TBCK: variants seen among roughly 807,000 people sequenced by gnomAD.
TBCK encodes TBC domain-containing protein kinase-like protein.
TBCK carries 99 observed loss-of-function variants against 113.4 expected under a neutral mutation model. The ratio of observed to expected loss-of-function variants is 0.87; its 90% CI spans 0.74 to 1.03. The LOEUF (loss-of-function observed/expected upper bound fraction) is 1.03. Ranked by LOEUF, TBCK falls within the 50% of genes least tolerant of loss-of-function variation. The pLI, the probability that TBCK is intolerant of heterozygous loss-of-function variation, is 0.00. For missense variants in TBCK, 1,045 were observed against 1,061.3 expected (o/e 0.98, Z 0.21); for synonymous variants, 369 against 370.8 (o/e 1.00, Z 0.05).
intron 2 of TBCK, among the ~76,000 whole-genome samples, chr4:106,303,859 G>A (rs1011101958): frequency 1.3e-5 from 2 of 152,044 alleles, no homozygotes; most frequent in African/African-American, 2.4e-5. Context: ...AAGCAGTAAG[G>A]GTTTTCGTGT....
intron 23 of TBCK, among the ~76,000 whole-genome samples, chr4:106,155,289 T>C (rs956325376): frequency 4.6e-5 from 7 of 152,168 alleles, no homozygotes; most frequent in African/African-American, 1.7e-4. Context: ...CCTTTCTTTA[T>C]CTTTGACCTT....
chr4:106,098,622 T>G (rs1741203230), intron 24 of TBCK, among the ~76,000 whole-genome samples: 1 of 148,730 alleles, frequency 6.7e-6, no homozygotes, highest in Non-Finnish European at 1.5e-5. Flanking sequence ...ATGAAATCTC[T>G]AGACTGGAAT....
intron 14 of TBCK, 152 bp from the exon 15 acceptor site, chr4:106,235,519 C>T (rs537469494): frequency 7.0e-5 from 32 of 458,622 alleles, no homozygotes; most frequent in African/African-American, 5.5e-4. Flanking sequence ...TATTAATACA[C>T]ATAAATAAGC....
Position 106,143,743 on chromosome 4 carries a change from C to T in TBCK, c.2235+27352G>A, listed in dbSNP as rs555759555. Among the ~76,000 whole-genome samples the T allele has an allele frequency of 7.9e-5, 12 of 151,928 alleles. No individual in the cohort carries two copies. The East Asian group carries it at 2.3e-3, about 29-fold the overall frequency. ...CAGCTTGACCAACATGGTGAAAGCT[C>T]GTCTCTACTAAAAATACAAAATTAG... On this transcript the variant is annotated intron_variant, in intron 23 of 25. Coordinates refer to ENST00000394708, the MANE Select transcript of TBCK (RefSeq NM_001163435.3).
intron 19 of TBCK, chr4:106,213,492 C>T (rs886144734): frequency 4.9e-5 from 8 of 162,268 alleles, no homozygotes; most frequent in African/African-American, 7.2e-5. Context: ...AGACAGTGGG[C>T]GCAGGCAAGT....
At chr4:106,247,486 A>G in intron 9 of TBCK, 199 bp from the exon 10 acceptor site, 1 of 497,912 alleles carries the variant, frequency 2.0e-6, no homozygotes, top group South Asian at 2.8e-5. Context: ...AATTTTTTTT[A>G]CTTATGTTGT....
At chr4:106,101,132 T>G (rs1008110551) in intron 24 of TBCK, among the ~76,000 whole-genome samples, 5 of 152,186 alleles carry the variant, frequency 3.3e-5, no homozygotes, top group Non-Finnish European at 7.3e-5. Context: ...AACTAAACTC[T>G]ATATCCCCAT....
intron 3 of TBCK, among the ~76,000 whole-genome samples, chr4:106,290,036 C>T (rs1449812460): frequency 6.6e-6 from 1 of 152,084 alleles, no homozygotes; most frequent in East Asian, 1.9e-4. Flanking sequence ...AACCCAGGCT[C>T]AACTAAAATA....
intron 23 of TBCK, among the ~76,000 whole-genome samples, chr4:106,151,537 A>T (rs562030956): frequency 6.6e-6 from 1 of 152,166 alleles, no homozygotes; most frequent in South Asian, 2.1e-4. Flanking sequence ...CGCAAATGAC[A>T]GAATGTCATT....
chr4:106,245,391 G>A (rs1760683428), intron 10 of TBCK, among the ~76,000 whole-genome samples: 2 of 152,168 alleles, frequency 1.3e-5, no homozygotes, highest in South Asian at 2.1e-4. Context: ...TAATATCAGA[G>A]CCTAACTGAC....
chr4:106,131,636 C>G (rs1039140672), intron 23 of TBCK, among the ~76,000 whole-genome samples: 2 of 152,110 alleles, frequency 1.3e-5, no homozygotes, highest in African/African-American at 2.4e-5. Flanking sequence ...AATAAAAATA[C>G]AGCAAATTGG....
chr4:106,121,166 A>G (rs1312724722), intron 23 of TBCK, among the ~76,000 whole-genome samples: 3 of 151,958 alleles, frequency 2.0e-5, no homozygotes, highest in Non-Finnish European at 4.4e-5. Flanking sequence ...TCAAAATAAA[A>G]GGATGGAGGA....
intron 12 of TBCK, among the ~76,000 whole-genome samples, chr4:106,239,079 T>C (rs1759788611): frequency 6.6e-6 from 1 of 152,062 alleles, no homozygotes; most frequent in African/African-American, 2.4e-5. Context: ...TCTGTTTTCC[T>C]TGAGAGGCCT....
intron 25 of TBCK, among the ~76,000 whole-genome samples, chr4:106,088,034 T>C (rs779256064): frequency 6.6e-6 from 1 of 152,132 alleles, no homozygotes; most frequent in Non-Finnish European, 1.5e-5. Context: ...CATTCACACA[T>C]AGGCATGGGC....
chr4:106,207,439 C>G (rs1248927960), intron 20 of TBCK, among the ~76,000 whole-genome samples: 1 of 152,150 alleles, frequency 6.6e-6, no homozygotes, highest in Non-Finnish European at 1.5e-5. Flanking sequence ...CTTGATGAAT[C>G]TAGCTTGTAT....
At chr4:106,261,103 C>T (rs1022178641) in intron 4 of TBCK, among the ~76,000 whole-genome samples, 1 of 151,736 alleles carries the variant, frequency 6.6e-6, no homozygotes, top group South Asian at 2.1e-4. Context: ...TAAGTTTTTC[C>T]CTTTTAATCT....
intron 3 of TBCK, among the ~76,000 whole-genome samples, chr4:106,292,315 T>A (rs1765806656): frequency 6.6e-6 from 1 of 152,112 alleles, no homozygotes; most frequent in East Asian, 1.9e-4. Flanking sequence ...CTGACACTTG[T>A]AATCCCAGCA....
intron 24 of TBCK, among the ~76,000 whole-genome samples, chr4:106,113,585 C>T (rs1215224599): frequency 6.6e-6 from 1 of 152,140 alleles, no homozygotes; most frequent in African/African-American, 2.4e-5. Context: ...TCAAACCTTA[C>T]CATAGCATGG....
At chr4:106,213,430 T>A (rs1579260448) in intron 19 of TBCK, 1 of 158,662 alleles carries the variant, frequency 6.3e-6, no homozygotes, top group South Asian at 2.0e-4. Flanking sequence ...AGAAGACAGG[T>A]GATTTCTGCA....
Sources: gnomAD v4.1 joint callset for allele counts (sites outside exome capture counted in the v4.1 genomes callset) on GRCh38, gnomAD v4.1.1 for gene constraint, MANE v1.5 for transcripts, NCBI Gene and HGNC (gene_info 2026-07-23, HGNC 2026-07-21) for gene names.